KIF25: variants seen among roughly 807,000 people sequenced by gnomAD.
KIF25 encodes kinesin-like protein KIF25.
In KIF25, 19 loss-of-function variants were observed where a neutral mutation model predicts 32.9. The observed-to-expected ratio is 0.58, with a 90% confidence interval of 0.40 to 0.85. The LOEUF is 0.85. Among genes scored for constraint, KIF25 ranks in the 40% least tolerant of loss-of-function variants. The pLI is 0.00. For missense variants in KIF25, 485 were observed against 507.0 expected, an observed-to-expected ratio of 0.96 and a Z score of 0.42; for synonymous variants, 225 against 213.7, an observed-to-expected ratio of 1.05 and a Z score of -0.46.
chr6:168,025,188 G>A (rs1187110112), intron 5 of KIF25, among the ~76,000 whole-genome samples: 1 of 152,238 alleles, frequency 6.6e-6, no homozygotes, highest in Non-Finnish European at 1.5e-5. Flanking sequence ...AAAGGACAGA[G>A]ACTCATCAGA....
intron 8 of KIF25, among the ~76,000 whole-genome samples, chr6:168,036,515 C>T (rs977837102): frequency 6.6e-6 from 1 of 152,206 alleles, no homozygotes; most frequent in Non-Finnish European, 1.5e-5. Context: ...CAACACTTTG[C>T]TTCTTAAAGG....
intron 12 of KIF25, among the ~76,000 whole-genome samples, chr6:168,042,998 C>T (rs1281590873): frequency 6.6e-6 from 1 of 152,206 alleles, no homozygotes; most frequent in African/African-American, 2.4e-5. Context: ...CACCAGGGGT[C>T]CGCCAGAGCA....
In KIF25 at chr6:168,009,320, T is replaced by G. The variant is rs1416401063; in HGVS notation, c.-163+5617T>G. Among the ~76,000 whole-genome samples the G allele has an allele frequency of 2.0e-5, 3 of 152,164 alleles. No homozygotes were observed. The East Asian group carries it at 5.8e-4, about 29-fold the overall frequency. On this transcript the variant is annotated intron_variant, in intron 4 of 12. Coordinates refer to ENST00000643607, the MANE Select transcript of KIF25 (RefSeq NM_030615.4). Reference sequence around the variant, plus strand: ...TTTTGAAAAGCTTTTTCTGCATCTTTGGAGATGATCACATGATTTTTGTCC... The same window carrying G: ...TTTTGAAAAGCTTTTTCTGCATCTTGGGAGATGATCACATGATTTTTGTCC...
At chr6:168,034,260 AT>A (rs1334838854) in intron 8 of KIF25, among the ~76,000 whole-genome samples, 1 of 152,104 alleles carries the variant, frequency 6.6e-6, no homozygotes, top group African/African-American at 2.4e-5. Context: ...ACTAAACTTT[AT>A]TTTTAAATTT....
chr6:168,001,645 A>T (rs555188457), intron 2 of KIF25, among the ~76,000 whole-genome samples: 1 of 80,088 alleles, frequency 1.2e-5, no homozygotes, highest in East Asian at 4.0e-4. Flanking sequence ...AGACACCTTC[A>T]GGCGTGGCCT....
intron 6 of KIF25, 40 bp from the exon 7 acceptor site, chr6:168,030,733 G>T: frequency 5.8e-6 from 9 of 1,544,866 alleles, no homozygotes; most frequent in Non-Finnish European, 7.1e-6. Flanking sequence ...GCCGCTTTCT[G>T]CTGCTTCTAT....
intron 4 of KIF25, among the ~76,000 whole-genome samples, chr6:168,014,441 T>C (rs1184925356): frequency 1.3e-5 from 2 of 152,238 alleles, no homozygotes; most frequent in Non-Finnish European, 2.9e-5. Flanking sequence ...AATAAAATTT[T>C]ATTGGGACAT....
At chr6:168,003,543 G>A (rs1027421078) in intron 3 of KIF25, 71 bp from the exon 4 acceptor site, 1 of 152,164 alleles carries the variant, frequency 6.6e-6, no homozygotes, top group Non-Finnish European at 1.5e-5. Flanking sequence ...GTGTTTTAGA[G>A]GCTGAATGTT....
intron 12 of KIF25, 35 bp downstream of exon 12, chr6:168,042,751 GACCACGTACCCCAGGACATGTGC>G (rs1250438729): frequency 1.3e-6 from 2 of 1,587,278 alleles, no homozygotes; most frequent in Admixed American, 3.4e-5. Context: ...CAGGATGGGG[GACCACGTACCCCAGGACATGTGC>G]ACACACTTCT....
intron 7 of KIF25, among the ~76,000 whole-genome samples, chr6:168,031,275 G>A (rs73260872): frequency 6.6e-6 from 1 of 152,302 alleles, no homozygotes; most frequent in African/African-American, 2.4e-5. Context: ...TGATGTCAAA[G>A]GCAGTGGGCT....
In KIF25 at chr6:168,044,809, T is replaced by C. The variant is rs1351528992; in HGVS notation, c.986-18T>C. On this transcript the variant is annotated intron_variant, in intron 12 of 12. Coordinates refer to ENST00000643607, the MANE Select transcript of KIF25 (RefSeq NM_030615.4). ...CTGCTCTTCTTTCCAGCTTGCATGTTGTTTTTCTATTTTAAAGGAGGCGAT... is the reference window on the plus strand; with the variant it reads ...CTGCTCTTCTTTCCAGCTTGCATGTCGTTTTTCTATTTTAAAGGAGGCGAT... 3 of 1,564,856 alleles carry C rather than the reference T, an allele frequency of 1.9e-6. No homozygotes were observed. Among genetic ancestry groups the C allele is most frequent in the Non-Finnish European group, 2.6e-6 (3 of 1,151,578 alleles).
intron 6 of KIF25, among the ~76,000 whole-genome samples, chr6:168,030,329 T>C (rs1317510432): frequency 1.3e-5 from 2 of 151,888 alleles, no homozygotes; most frequent in African/African-American, 4.8e-5. Flanking sequence ...TTGCTCAGAG[T>C]GGGATTTTTA....
chr6:168,017,298 C>T (rs946480413), intron 4 of KIF25, among the ~76,000 whole-genome samples: 4 of 152,198 alleles, frequency 2.6e-5, no homozygotes, highest in African/African-American at 9.6e-5. Context: ...CTGGGTTATT[C>T]GCCACTGCAG....
At chr6:168,003,126 T>G (rs1284250798) in intron 3 of KIF25, among the ~76,000 whole-genome samples, 1 of 152,188 alleles carries the variant, frequency 6.6e-6, no homozygotes, top group Non-Finnish European at 1.5e-5. Flanking sequence ...ACCCTTGTTC[T>G]GTATCACCAC....
intron 2 of KIF25, among the ~76,000 whole-genome samples, chr6:168,001,109 A>G (rs968240422): frequency 1.3e-5 from 2 of 152,208 alleles, no homozygotes; most frequent in African/African-American, 4.8e-5. Context: ...AAGGACTGGA[A>G]ATTGGGCCTG....
chr6:168,019,093 G>A (rs1470041971), intron 5 of KIF25, among the ~76,000 whole-genome samples: 2 of 152,194 alleles, frequency 1.3e-5, no homozygotes, highest in African/African-American at 2.4e-5. Context: ...GGTGCCATGC[G>A]GCAGAACTTA....
rs991932179 is a variant in KIF25, at chr6:167,998,117, T to G, written c.-1352T>G. 1 of 152,044 alleles carries G rather than the reference T, an allele frequency of 6.6e-6. No individual in the cohort carries two copies. The highest frequency in any genetic ancestry group is 1.5e-5 in the Non-Finnish European group (1 of 68,006). 9.4% of individuals were successfully genotyped at this position (152,044 alleles called of 1,614,324 possible). A position where few individuals can be genotyped will look rare whatever the true frequency, so the allele number is the denominator to read the frequency against. On this transcript the variant is annotated 5_prime_UTR_variant, in exon 1 of 13. Transcript: ENST00000643607. ...GTTGCTATAAAGACAAAGGGAGATA[T>G]CAGTGAAGCACCTGGCACTTCAGAA... is the stretch of plus-strand genomic sequence containing the variant.
chr6:167,998,537 TGGAAACCAGTG>T lies in KIF25; in HGVS notation c.-930_-920del, dbSNP rs1798453675. 6.6e-6 allele frequency: 1 copy of T among 152,200 alleles called. No homozygotes were observed. Among genetic ancestry groups the T allele is most frequent in the Non-Finnish European group, 1.5e-5 (1 of 68,038 alleles). 9.4% of individuals were successfully genotyped at this position (152,200 alleles called of 1,614,324 possible). A position where few individuals can be genotyped will look rare whatever the true frequency, so the allele number is the denominator to read the frequency against. On this transcript the variant is annotated 5_prime_UTR_variant, in exon 1 of 13. The change abolishes the stop of an existing upstream ORF in the 5' untranslated region. Transcript: ENST00000643607. The stretch of plus-strand genomic sequence containing the variant: ...CATACGGAGAAGATGTGTTGCTCAC[TGGAAACCAGTG>T]GAGTTTATGAGAATAAAAAGCTTCT...
intron 8 of KIF25, among the ~76,000 whole-genome samples, chr6:168,037,731 CA>C (rs1160548243): frequency 6.6e-6 from 1 of 151,902 alleles, no homozygotes; most frequent in Non-Finnish European, 1.5e-5. Context: ...AAACATGGAG[CA>C]AAATAAGATG....
Sources: gnomAD v4.1 joint callset for allele counts (sites outside exome capture counted in the v4.1 genomes callset) on GRCh38, gnomAD v4.1.1 for gene constraint, MANE v1.5 for transcripts, NCBI Gene and HGNC (gene_info 2026-07-23, HGNC 2026-07-21) for gene names.